The following PLXNC1 variants were observed in gnomAD, a reference collection of about 807,000 sequenced individuals.
PLXNC1 encodes plexin-C1.
Under a neutral mutation model 178.2 loss-of-function variants are expected in PLXNC1, and 75 were observed. The observed-to-expected ratio is 0.42, with a 90% CI of 0.35 to 0.51. The LOEUF (loss-of-function observed/expected upper bound fraction) is 0.51. PLXNC1 is among the 20% of genes least tolerant of loss of function. The pLI, the probability that PLXNC1 is intolerant of heterozygous loss-of-function variation, is 0.02. For missense variants in PLXNC1, 1,503 were observed against 1,984.4 expected, an observed-to-expected ratio of 0.76 and a Z score of 4.61; for synonymous variants, 790 against 779.9, an observed-to-expected ratio of 1.01 and a Z score of -0.22.
At chr12:94,224,368 T>C (rs1963882271) in intron 7 of PLXNC1, 53 bp downstream of exon 7, 2 of 991,050 alleles carry the variant, frequency 2.0e-6, no homozygotes, top group African/African-American at 1.6e-5. Flanking sequence ...AATTTACTTA[T>C]TTGTTTGACT....
intron 2 of PLXNC1, among the ~76,000 whole-genome samples, chr12:94,173,607 A>G (rs1311063969): frequency 2.0e-5 from 3 of 152,180 alleles, no homozygotes; most frequent in African/African-American, 7.2e-5. Context: ...TCGAGAGGTT[A>G]GGTATCTTTT....
intron 4 of PLXNC1, among the ~76,000 whole-genome samples, chr12:94,203,591 C>T (rs1963206273): frequency 6.6e-6 from 1 of 152,138 alleles, no homozygotes; most frequent in African/African-American, 2.4e-5. Flanking sequence ...AATTTTTGAG[C>T]AATTAGGTGT....
At chr12:94,189,004 AGGAG>A (rs1962624879) in intron 4 of PLXNC1, among the ~76,000 whole-genome samples, 1 of 152,244 alleles carries the variant, frequency 6.6e-6, no homozygotes, top group Admixed American at 6.5e-5. Context: ...CTGGAAGACT[AGGAG>A]GGAGAATAGA....
intron 4 of PLXNC1, among the ~76,000 whole-genome samples, chr12:94,205,657 G>T (rs1238580036): frequency 6.6e-6 from 1 of 152,216 alleles, no homozygotes; most frequent in Non-Finnish European, 1.5e-5. Context: ...TTCACAGCTA[G>T]TGATAGAGGA....
intron 20 of PLXNC1, among the ~76,000 whole-genome samples, chr12:94,264,636 T>A (rs1965135069): frequency 6.6e-6 from 1 of 152,242 alleles, no homozygotes; most frequent in Non-Finnish European, 1.5e-5. Context: ...TGTTCTTACA[T>A]TTATCCTTGT....
In PLXNC1 at chr12:94,282,323, A is replaced by G. The variant is rs1217010487; in HGVS notation, c.3801A>G (p.Lys1267=). Residue 1267 remains lysine (K), a synonymous_variant, in exon 23 of 31, where the codon AAA becomes AAG. Coordinates refer to ENST00000258526, the MANE Select transcript of PLXNC1 (RefSeq NM_005761.3). ...AGCTTCAAATGGGCACACGACAGAA[A>G]GAACTTCTGGACATCGACAGTTCCT... ...GLELQMGTRQ[K]ELLDIDSSSV... is the part of the protein sequence containing the mutation. 1.2e-6 allele frequency: 2 copies of G among 1,613,960 alleles called. No homozygotes were observed. Among genetic ancestry groups the G allele is most frequent in the Non-Finnish European group, 1.7e-6 (2 of 1,179,798 alleles).
At chr12:94,242,395 G>A (rs896877162) in intron 11 of PLXNC1, among the ~76,000 whole-genome samples, 12 of 134,958 alleles carry the variant, frequency 8.9e-5, no homozygotes, top group African/African-American at 3.4e-4. Context: ...TGCAACCTCC[G>A]CCTCCCAGAT....
intron 23 of PLXNC1, among the ~76,000 whole-genome samples, chr12:94,289,841 CA>C (rs941116216): frequency 1.3e-5 from 2 of 152,186 alleles, no homozygotes; most frequent in Non-Finnish European, 2.9e-5. Flanking sequence ...TGCACTCACA[CA>C]TACGCGCTCA....
At chr12:94,298,124 G>A (rs1204501204) in intron 26 of PLXNC1, among the ~76,000 whole-genome samples, 1 of 152,222 alleles carries the variant, frequency 6.6e-6, no homozygotes, top group Non-Finnish European at 1.5e-5. Flanking sequence ...GACAGCCCAA[G>A]CCTCTTGATT....
At chr12:94,295,680 C>G (rs1477931390) in intron 24 of PLXNC1, among the ~76,000 whole-genome samples, 2 of 152,156 alleles carry the variant, frequency 1.3e-5, no homozygotes, top group African/African-American at 4.8e-5. Context: ...ATTATCCTTT[C>G]CTGACCCTAC....
intron 21 of PLXNC1, among the ~76,000 whole-genome samples, chr12:94,279,265 G>A (rs928105799): frequency 6.6e-6 from 1 of 152,144 alleles, no homozygotes; most frequent in African/African-American, 2.4e-5. Flanking sequence ...GCTCTATAAT[G>A]AGAGTTTTAA....
chr12:94,212,735 T>C (rs575669211), intron 5 of PLXNC1, among the ~76,000 whole-genome samples: 334 of 150,850 alleles, frequency 2.2e-3, no homozygotes, highest in African/African-American at 7.5e-3. Flanking sequence ...TTTTTTTTTT[T>C]TTGAGATGGA....
At chr12:94,178,358 C>G (rs927108962) in intron 2 of PLXNC1, among the ~76,000 whole-genome samples, 12 of 152,116 alleles carry the variant, frequency 7.9e-5, no homozygotes, top group Non-Finnish European at 2.9e-5. Flanking sequence ...TGGTGCTGCC[C>G]AATGATGCTT....
At chr12:94,169,406 A>G (rs1961758064) in intron 2 of PLXNC1, 113 bp downstream of exon 2, 3 of 852,738 alleles carry the variant, frequency 3.5e-6, no homozygotes, top group Non-Finnish European at 5.6e-6. Flanking sequence ...CAAGAACTTC[A>G]TGAACTCCTT....
At chr12:94,185,462 T>C (rs557673786) in intron 3 of PLXNC1, among the ~76,000 whole-genome samples, 1 of 152,322 alleles carries the variant, frequency 6.6e-6, no homozygotes, top group South Asian at 2.1e-4. Context: ...CTGCAGAAAG[T>C]GCTCTGTGTG....
chr12:94,191,234 A>G (rs1472428341), intron 4 of PLXNC1, among the ~76,000 whole-genome samples: 1 of 152,204 alleles, frequency 6.6e-6, no homozygotes, highest in Non-Finnish European at 1.5e-5. Context: ...CCTACAATGA[A>G]ATGAAACTAA....
At position 94,224,216 on chromosome 12, in the gene PLXNC1, C is replaced by T; in HGVS notation, c.1703-12C>T. ...CTCCACCGTAAATGACATTTTCCCC[C>T]CTTCCCTCCAGATGTTTCAGTTGTC... is the stretch of plus-strand genomic sequence containing the variant. On this transcript the variant is annotated splice_polypyrimidine_tract_variant and intron_variant, in intron 6 of 30. Coordinates refer to ENST00000258526, the MANE Select transcript of PLXNC1 (RefSeq NM_005761.3). 1 of 1,514,966 alleles carries T rather than the reference C, an allele frequency of 6.6e-7. No individual in the cohort carries two copies. The highest frequency in any genetic ancestry group is 9.2e-7 in the Non-Finnish European group (1 of 1,089,650). 93.8% of individuals were successfully genotyped at this position (1,514,966 alleles called of 1,614,324 possible).
intron 1 of PLXNC1, among the ~76,000 whole-genome samples, chr12:94,155,811 A>G (rs1384718769): frequency 2.6e-5 from 4 of 152,248 alleles, no homozygotes; most frequent in Admixed American, 1.3e-4. Flanking sequence ...ATTCTCTCCA[A>G]GGGTCCATTC....
chr12:94,191,766 T>C (rs1213300106), intron 4 of PLXNC1, among the ~76,000 whole-genome samples: 1 of 97,194 alleles, frequency 1.0e-5, no homozygotes, highest in African/African-American at 3.2e-5. Flanking sequence ...TGAAACTCCA[T>C]CTCAAAAAAA....
Sources: allele counts gnomAD v4.1 joint callset (sites outside exome capture counted in the v4.1 genomes callset), GRCh38; gene constraint gnomAD v4.1.1; transcripts MANE v1.5; gene names NCBI Gene and HGNC (gene_info 2026-07-23, HGNC 2026-07-21).